The following STAB1 variants were observed in gnomAD, a reference collection of about 807,000 sequenced individuals.
STAB1 encodes the protein stabilin-1.
A neutral mutation model predicts 332.4 loss-of-function variants in STAB1; 250 were observed. That is an observed-to-expected ratio of 0.75 (90% confidence interval 0.68 to 0.84). The LOEUF (loss-of-function observed/expected upper bound fraction) is 0.84. Among genes scored for constraint, STAB1 ranks in the 40% least tolerant of loss-of-function variants. The pLI is 0.00. For synonymous variants in STAB1, 1,475 were observed against 1,390.4 expected, an observed-to-expected ratio of 1.06 and a Z score of -1.35; for missense variants, 3,249 against 3,489.7, an observed-to-expected ratio of 0.93 and a Z score of 1.74.
chr3:52,521,767 C>A, intron 57 of STAB1, 67 bp downstream of exon 57: 7 of 1,603,752 alleles, frequency 4.4e-6, no homozygotes, highest in East Asian at 2.2e-5. Flanking sequence ...AGTAAAGGCA[C>A]CAAGGGTGGG....
At chr3:52,508,142 C>T (rs922997095) in intron 20 of STAB1, 116 bp downstream of exon 20, 27 of 1,362,494 alleles carry the variant, frequency 2.0e-5, no homozygotes, top group East Asian at 9.2e-5. Flanking sequence ...TGCAGCCTGA[C>T]GGTGGAAAAG....
At chr3:52,516,012 C>T in intron 37 of STAB1, 31 bp from the exon 38 acceptor site, 1 of 1,566,476 alleles carries the variant, frequency 6.4e-7, no homozygotes, top group Non-Finnish European at 8.6e-7. Flanking sequence ...CTGGGCCTCT[C>T]TCGCCCTCTC....
intron 17 of STAB1, 138 bp downstream of exon 17, chr3:52,506,388 C>T (rs1708866775): frequency 2.4e-6 from 2 of 833,824 alleles, no homozygotes; most frequent in East Asian, 5.4e-5. Context: ...GGGAAGGAAG[C>T]AGGCAGAGAT....
chr3:52,524,091 T>G lies in STAB1; in HGVS notation c.7543-9T>G. 6.2e-7 allele frequency: 1 copy of G among 1,613,358 alleles called. No homozygotes were observed. Among genetic ancestry groups the G allele is most frequent in the Non-Finnish European group, 8.5e-7 (1 of 1,180,014 alleles). The stretch of plus-strand genomic sequence containing the variant: ...GGCGCCTCGCCACTCACCCCTCTGC[T>G]GCTCCCAGGCGGAAGATGATGCTGA... On this transcript the variant is annotated splice_polypyrimidine_tract_variant and intron_variant, in intron 67 of 68. Transcript: ENST00000321725.
chr3:52,522,405 G>GCT lies in STAB1; in HGVS notation c.6541_6542insCT (p.Val2181AlafsTer42). On this transcript the variant is annotated frameshift_variant, in exon 60 of 69. Coordinates refer to ENST00000321725, the MANE Select transcript of STAB1 (RefSeq NM_015136.3). LOFTEE classifies it high-confidence loss of function. ...GTGTCTGGAGGAGTCGGAACCACCT[G>GCT]TGGACCGCTGCTTGGGCCAGCCACC... 1 of 1,612,986 alleles carries GCT rather than the reference G, an allele frequency of 6.2e-7. No homozygotes were observed. The highest frequency in any genetic ancestry group is 8.5e-7 in the Non-Finnish European group (1 of 1,180,034).
At position 52,520,534 on chromosome 3, in the gene STAB1, C is replaced by T; in HGVS notation, c.5634C>T (p.Thr1878=). The T allele has an allele frequency of 6.2e-7, 1 of 1,611,616 alleles. No individual in the cohort carries two copies. Among genetic ancestry groups the T allele is most frequent in the African/African-American group, 1.3e-5 (1 of 75,050 alleles). The change falls in exon 53 of 69, where the codon ACC becomes ACT. Residue 1878 remains threonine, a synonymous_variant. Coordinates refer to ENST00000321725, the MANE Select transcript of STAB1 (RefSeq NM_015136.3). ...GTGCTCGCTGTGACCACTTTGAGAC[C>T]CGGCCCCTGCGACTGGTGAGGGAGG... is the stretch of plus-strand genomic sequence containing the variant. ...GLGARCDHFE[T]RPLRLNTCSI... is the part of the protein sequence containing the mutation.
chr3:52,501,755 T>A lies in STAB1; in HGVS notation c.331+2T>A. 6.4e-7 allele frequency: 1 copy of A among 1,556,832 alleles called. No homozygotes were observed. Among genetic ancestry groups the A allele is most frequent in the Non-Finnish European group, 8.7e-7 (1 of 1,150,904 alleles). On this transcript the variant is annotated splice_donor_variant, in intron 3 of 68. Coordinates refer to ENST00000321725, the MANE Select transcript of STAB1 (RefSeq NM_015136.3). LOFTEE classifies it high-confidence loss of function. ...GCTACTGGGGTTCCCGGTGCCATGG[T>A]ATGGGAGAAAGGGGGACCCCGCCTT...
In STAB1 at chr3:52,519,391, C is replaced by A; in HGVS notation, c.5162C>A (p.Ala1721Asp). Residue 1721 changes from alanine (A) to aspartate (D), a missense_variant, in exon 49 of 69, where the codon GCT becomes GAT. By Grantham distance (126) the Ala-to-Asp change is moderately radical (BLOSUM62 -2). Transcript: ENST00000321725. ...PEALHWEPDD[A>D]PIPRRNVTAA... ...GCGCTGCACTGGGAGCCTGATGATG[C>A]TCCCATCCCGAGGGTATGACAAGCA... 1 of 1,613,080 alleles carries A rather than the reference C, an allele frequency of 6.2e-7. No individual in the cohort carries two copies. Among genetic ancestry groups the A allele is most frequent in the Non-Finnish European group, 8.5e-7 (1 of 1,179,974 alleles).
chr3:52,519,929 G>A lies in STAB1; in HGVS notation c.5236-15G>A. The A allele has an allele frequency of 6.4e-7, 1 of 1,559,116 alleles. No individual in the cohort carries two copies. On this transcript the variant is annotated splice_polypyrimidine_tract_variant and intron_variant, in intron 50 of 68. Coordinates refer to ENST00000321725, the MANE Select transcript of STAB1 (RefSeq NM_015136.3). ...ACTGGGCAGCGACTGCCACATCTTT[G>A]CTGCACCCCACCAGGTGGCCGGCCT...
At position 52,513,983 on chromosome 3, in the gene STAB1, T is replaced by C; in HGVS notation, c.3447+2T>C. The C allele has an allele frequency of 1.9e-6, 3 of 1,597,214 alleles. No homozygotes were observed. Among genetic ancestry groups the C allele is most frequent in the Non-Finnish European group, 2.6e-6 (3 of 1,168,678 alleles). ...AGCCTCTTCCGGGAATTGCTGCAGG[T>C]ACGGAAGGCTGGCAAGAGGGGATGT... On this transcript the variant is annotated splice_donor_variant, in intron 32 of 68. Coordinates refer to ENST00000321725, the MANE Select transcript of STAB1 (RefSeq NM_015136.3). LOFTEE classifies it high-confidence loss of function.
At chr3:52,519,823 T>C in intron 50 of STAB1, 121 bp from the exon 51 acceptor site, 1 of 1,299,724 alleles carries the variant, frequency 7.7e-7, no homozygotes, top group African/African-American at 1.5e-5. Context: ...CTGCCTGGGA[T>C]GGTCACAGAT....
Position 52,514,783 on chromosome 3 carries a change from C to T in STAB1, c.3761C>T (p.Thr1254Met), listed in dbSNP as rs750314449. The T allele has an allele frequency of 9.9e-6, 16 of 1,612,820 alleles. No individual in the cohort carries two copies. The highest frequency in any genetic ancestry group is 2.7e-5 in the African/African-American group (2 of 74,934). The part of the protein sequence containing the change: ...RSLIGLSGVL[T>M]VGSSRCLHSH... ...CTGATTGGTCTGTCGGGGGTCCTGA[C>T]GGTGGGCTCAAGTCGCTGCCTGCAT... Residue 1254 changes from threonine to methionine, a missense_variant, in exon 35 of 69, where the codon ACG becomes ATG. By Grantham distance (81) the Thr-to-Met change is moderately conservative (BLOSUM62 -1). Transcript: ENST00000321725.
Position 52,520,194 on chromosome 3 carries a change from A to T in STAB1, c.5413-10A>T. The T allele has an allele frequency of 6.2e-7, 1 of 1,613,020 alleles. No homozygotes were observed. The highest frequency in any genetic ancestry group is 8.5e-7 in the Non-Finnish European group (1 of 1,179,968). ...CCTTTCCACCTCCAACCATGACTCC[A>T]CTTGCTCAGGCCTTGGCATCTGACC... On this transcript the variant is annotated splice_polypyrimidine_tract_variant and intron_variant, in intron 51 of 68. Coordinates refer to ENST00000321725, the MANE Select transcript of STAB1 (RefSeq NM_015136.3).
intron 56 of STAB1, 24 bp from the exon 57 acceptor site, chr3:52,521,572 C>T: frequency 6.2e-7 from 1 of 1,613,270 alleles, no homozygotes; most frequent in South Asian, 1.1e-5. Flanking sequence ...CAATCTTTAT[C>T]TTCCTGCCTG....
chr3:52,515,410 TC>T lies in STAB1; in HGVS notation c.3865-9del, dbSNP rs2078827835. On this transcript the variant is annotated splice_polypyrimidine_tract_variant and intron_variant, in intron 36 of 68. Transcript: ENST00000321725. ...GCCACTGGCTGACCCCTCCTGCCTG[TC>T]CCCGTTTCCAGGACACACCCAGGAA... 4.3e-6 allele frequency: 7 copies of T among 1,612,250 alleles called. No individual in the cohort carries two copies. Among genetic ancestry groups the T allele is most frequent in the African/African-American group, 1.3e-5 (1 of 74,934 alleles).
chr3:52,516,708 G>A lies in STAB1; in HGVS notation c.4303G>A (p.Ala1435Thr), dbSNP rs2078878973. 1.2e-6 allele frequency: 2 copies of A among 1,612,240 alleles called. No homozygotes were observed. Residue 1435 changes from alanine (A) to threonine (T), a missense_variant, in exon 41 of 69, where the codon GCC (alanine) becomes ACC (threonine). Physicochemically the swap from Ala to Thr is moderately conservative, Grantham distance 58 (BLOSUM62 0). Transcript: ENST00000321725. ...DPNANCVQDSAGASTCACAAG... is the reference protein window; with the variant it reads ...DPNANCVQDSTGASTCACAAG... The stretch of plus-strand genomic sequence containing the variant: ...CCCTCCCAGCTGCGTGCAGGACTCG[G>A]CCGGAGCCTCCACCTGCGCCTGTGC...
At chr3:52,523,801 C>A in intron 66 of STAB1, 45 bp downstream of exon 66, 1 of 1,587,492 alleles carries the variant, frequency 6.3e-7, no homozygotes, top group Non-Finnish European at 8.6e-7. Context: ...GGCACCCCCA[C>A]AACCTGTGAG....
At position 52,520,406 on chromosome 3, in the gene STAB1, CTCATGGTGGGTGAGG is replaced by C; in HGVS notation, c.5507_5521del (p.Leu1836_Asp1841delinsHis). On this transcript the variant is annotated inframe_deletion, in exon 53 of 69. Transcript: ENST00000321725. ...TCATATTCTCTCCTTGCAGGGTGAG[CTCATGGTGGGTGAGG>C]ATGATGCTCGCATTGTGCAGCGGCA... 4 of 1,611,900 alleles carry C rather than the reference CTCATGGTGGGTGAGG, an allele frequency of 2.5e-6. No homozygotes were observed. Among genetic ancestry groups the C allele is most frequent in the Non-Finnish European group, 3.4e-6 (4 of 1,179,076 alleles).
chr3:52,505,980 G>A, intron 16 of STAB1, 44 bp downstream of exon 16: 1 of 1,610,978 alleles, frequency 6.2e-7, no homozygotes, highest in South Asian at 1.1e-5. Context: ...GTACCCGGTG[G>A]GCCTGCCTGC....
Sources: allele counts gnomAD v4.1 joint callset, GRCh38; gene constraint gnomAD v4.1.1; transcripts MANE v1.5; gene names NCBI Gene and HGNC (gene_info 2026-07-23, HGNC 2026-07-21).